MAPK10: variants seen among roughly 807,000 people sequenced by gnomAD.
The protein encoded by MAPK10 is JNK3 alpha protein kinase.
MAPK10 carries 25 observed loss-of-function variants against 59.3 expected under a neutral mutation model. That is an observed-to-expected ratio of 0.42 (90% CI 0.31 to 0.59). The LOEUF (loss-of-function observed/expected upper bound fraction) is 0.59. Among genes scored for constraint, MAPK10 ranks in the 20% least tolerant of loss-of-function variants. MAPK10 has a pLI of 0.15. For synonymous variants in MAPK10, 190 were observed against 200.5 expected (o/e 0.95, Z 0.44); for missense variants, 351 against 568.9 (o/e 0.62, Z 3.90).
At chr4:86,445,869 G>A (rs1489025331) in intron 1 of MAPK10, among the ~76,000 whole-genome samples, 1 of 151,988 alleles carries the variant, frequency 6.6e-6, no homozygotes, top group East Asian at 1.9e-4. Flanking sequence ...TTGAAAGAAT[G>A]TCTTCAGAGA....
upstream of MAPK10, chr4:86,360,161 G>A: frequency 1.0e-6 from 1 of 986,080 alleles, no homozygotes; most frequent in Non-Finnish European, 1.2e-6. Flanking sequence ...GGAGGGGGAT[G>A]AGGGGGAAAC....
At chr4:86,136,558 C>A (rs2062160246) in intron 4 of MAPK10, among the ~76,000 whole-genome samples, 2 of 150,476 alleles carry the variant, frequency 1.3e-5, no homozygotes, top group East Asian at 1.9e-4. Context: ...AAGGAACAAC[C>A]AGTACCAGCC....
intron 2 of MAPK10, among the ~76,000 whole-genome samples, chr4:86,344,551 T>C (rs573409664): frequency 6.9e-6 from 1 of 144,446 alleles, no homozygotes; most frequent in African/African-American, 2.6e-5. Context: ...TCTTTGTTTC[T>C]GCAGCACCTG....
chr4:86,583,185 T>C (rs1280332605), intron 1 of MAPK10, among the ~76,000 whole-genome samples: 2 of 151,874 alleles, frequency 1.3e-5, no homozygotes, highest in African/African-American at 2.4e-5. Flanking sequence ...ATATTTTCTT[T>C]TCTTTTTTTT....
At chr4:86,527,725 G>C (rs1322179287) in intron 1 of MAPK10, among the ~76,000 whole-genome samples, 2 of 152,154 alleles carry the variant, frequency 1.3e-5, no homozygotes, top group African/African-American at 4.8e-5. Context: ...GTTCATCACA[G>C]CACTATTCAC....
chr4:86,179,881 C>T (rs1407504067), intron 3 of MAPK10, among the ~76,000 whole-genome samples: 1 of 151,778 alleles, frequency 6.6e-6, no homozygotes. Context: ...AACTATAAAA[C>T]TACTAGAAGA....
chr4:86,351,428 C>CA (rs762163128), intron 2 of MAPK10, among the ~76,000 whole-genome samples: 7 of 142,662 alleles, frequency 4.9e-5, no homozygotes, highest in South Asian at 4.4e-4. Flanking sequence ...CACACACACA[C>CA]ATTTTATGAC....
chr4:86,538,148 A>T (rs2149093949), intron 1 of MAPK10, among the ~76,000 whole-genome samples: 1 of 145,864 alleles, frequency 6.9e-6, no homozygotes, highest in East Asian at 2.1e-4. Flanking sequence ...CCTTATAATA[A>T]ATCTTTTTTT....
At chr4:86,060,165 T>G (rs1188423810) in intron 11 of MAPK10, among the ~76,000 whole-genome samples, 1 of 152,226 alleles carries the variant, frequency 6.6e-6, no homozygotes, top group African/African-American at 2.4e-5. Context: ...TCCTTCCTTT[T>G]AGTCAAGAAT....
At chr4:86,592,416 C>G (rs147768750) in intron 1 of MAPK10, among the ~76,000 whole-genome samples, 189 of 152,096 alleles carry the variant, frequency 1.2e-3, no homozygotes, top group African/African-American at 4.3e-3. Flanking sequence ...TGTGGTTTGT[C>G]TACTTTTGCG....
At chr4:86,405,560 C>T (rs1415705426) in intron 1 of MAPK10, among the ~76,000 whole-genome samples, 1 of 152,136 alleles carries the variant, frequency 6.6e-6, no homozygotes, top group East Asian at 1.9e-4. Context: ...AAATTGCTCT[C>T]AAATATTCAA....
chr4:86,295,789 A>G (rs935800196), intron 2 of MAPK10, among the ~76,000 whole-genome samples: 22 of 147,426 alleles, frequency 1.5e-4, no homozygotes, highest in South Asian at 4.2e-4. Context: ...TATATTCTCT[A>G]TATTTCCCAT....
chr4:86,017,117 GT>G lies in MAPK10; in HGVS notation c.*110del. On this transcript the variant is annotated 3_prime_UTR_variant, in exon 14 of 14. Transcript: ENST00000641462. The surrounding 1 kb of genome is among the most constrained non-coding windows in gnomAD (Gnocchi z 4.4). ...TTAGGCTTGGATTCTCTCCCTTGCTGTTTTCTTGATGTTGTGTGTCTGCATT... is the reference window on the plus strand; with the variant it reads ...TTAGGCTTGGATTCTCTCCCTTGCTGTTTCTTGATGTTGTGTGTCTGCATT... The G allele has an allele frequency of 8.2e-7, 1 of 1,222,664 alleles. No homozygotes were observed. The highest frequency in any genetic ancestry group is 1.1e-6 in the Non-Finnish European group (1 of 871,440). The allele number at this position is 1,222,664 out of a possible 1,614,324, so 75.7% of individuals were successfully genotyped here. A position where few individuals can be genotyped will look rare whatever the true frequency, so the allele number is the denominator to read the frequency against.
intron 2 of MAPK10, among the ~76,000 whole-genome samples, chr4:86,199,156 A>G (rs566343595): frequency 4.9e-4 from 74 of 151,696 alleles, no homozygotes; most frequent in Non-Finnish European, 7.2e-4. Flanking sequence ...AGCCTACAAC[A>G]CAATAATTCC....
chr4:86,084,649 A>G (rs1344978428), intron 9 of MAPK10, among the ~76,000 whole-genome samples: 1 of 152,130 alleles, frequency 6.6e-6, no homozygotes, highest in East Asian at 1.9e-4. Context: ...TGGAAAAACC[A>G]ATATTGTTAA....
intron 1 of MAPK10, among the ~76,000 whole-genome samples, chr4:86,418,080 C>A (rs952917557): frequency 2.0e-5 from 3 of 151,868 alleles, no homozygotes; most frequent in Non-Finnish European, 2.9e-5. Flanking sequence ...ATAAACAAAC[C>A]ACTAACTCCC....
At chr4:86,115,117 T>C in intron 4 of MAPK10, among the ~76,000 whole-genome samples, 1 of 152,228 alleles carries the variant, frequency 6.6e-6, no homozygotes, top group East Asian at 1.9e-4. Flanking sequence ...AGCCTGCTGC[T>C]ACTGGTTGCA....
chr4:86,141,553 C>T (rs188929099), intron 4 of MAPK10, among the ~76,000 whole-genome samples: 41 of 152,146 alleles, frequency 2.7e-4, no homozygotes, highest in Admixed American at 2.2e-3. Flanking sequence ...ATTAACATTG[C>T]GCTATAGCAT....
At chr4:86,297,908 C>T (rs1229707451) in intron 2 of MAPK10, among the ~76,000 whole-genome samples, 5 of 152,184 alleles carry the variant, frequency 3.3e-5, no homozygotes, top group African/African-American at 1.2e-4. Context: ...TCATGACTGG[C>T]CCCTGCTTAT....
Sources: gnomAD v4.1 joint callset for allele counts (sites outside exome capture counted in the v4.1 genomes callset) on GRCh38, gnomAD v4.1.1 for gene constraint, Gnocchi (gnomAD v3.1) non-coding constraint, MANE v1.5 for transcripts, NCBI Gene and HGNC (gene_info 2026-07-23, HGNC 2026-07-21) for gene names.